GULP1: variants seen among roughly 807,000 people sequenced by gnomAD.
The protein encoded by GULP1 is GULP PTB domain containing engulfment adaptor 1, also known as PTB domain-containing engulfment adapter protein 1.
A neutral mutation model predicts 40.9 loss-of-function variants in GULP1; 19 were observed. The ratio of observed to expected loss-of-function variants is 0.46; its 90% CI spans 0.32 to 0.68. The LOEUF (loss-of-function observed/expected upper bound fraction) is 0.68, where lower values mean the gene tolerates loss of function less well. GULP1 is among the 30% of genes least tolerant of loss of function. The pLI, the probability that GULP1 is intolerant of heterozygous loss-of-function variation, is 0.03. For synonymous variants in GULP1, 119 were observed against 117.6 expected, an observed-to-expected ratio of 1.01 and a Z score of -0.08; for missense variants, 312 against 362.2, an observed-to-expected ratio of 0.86 and a Z score of 1.12.
At chr2:188,343,734 A>G (rs2043262467) in intron 1 of GULP1, among the ~76,000 whole-genome samples, 1 of 152,174 alleles carries the variant, frequency 6.6e-6, no homozygotes, top group East Asian at 1.9e-4. Context: ...GAACTTAGGG[A>G]CACCTATACT....
intron 2 of GULP1, among the ~76,000 whole-genome samples, chr2:188,471,066 T>C (rs937361983): frequency 6.6e-6 from 1 of 152,160 alleles, no homozygotes; most frequent in African/African-American, 2.4e-5. Context: ...AAAATTGTTA[T>C]ATCCTCTTGC....
chr2:188,356,267 G>A (rs10195059), intron 1 of GULP1, among the ~76,000 whole-genome samples: 19,261 of 152,032 alleles, frequency 0.13, 1,343 homozygotes, highest in Middle Eastern at 0.17. Flanking sequence ...TGCTGATAAC[G>A]TATTCTTATA....
At chr2:188,442,856 A>T (rs941829441) in intron 2 of GULP1, among the ~76,000 whole-genome samples, 2 of 152,182 alleles carry the variant, frequency 1.3e-5, no homozygotes, top group Non-Finnish European at 1.5e-5. Flanking sequence ...AAAAGATCAG[A>T]TTCTGTCCCT....
chr2:188,511,051 C>T (rs1288790514), intron 4 of GULP1, among the ~76,000 whole-genome samples: 1 of 152,082 alleles, frequency 6.6e-6, no homozygotes. Flanking sequence ...TGTATTTTCT[C>T]ATTTAATTCT....
chr2:188,528,537 T>A (rs2153232933), intron 5 of GULP1, among the ~76,000 whole-genome samples: 1 of 152,286 alleles, frequency 6.6e-6, no homozygotes, highest in Non-Finnish European at 1.5e-5. Context: ...ATACTCACTA[T>A]ATTTGTAGTT....
At chr2:188,370,001 C>T (rs2047392347) in intron 1 of GULP1, among the ~76,000 whole-genome samples, 1 of 152,066 alleles carries the variant, frequency 6.6e-6, no homozygotes, top group East Asian at 1.9e-4. Flanking sequence ...TGCCAACACA[C>T]CTGGTTAATT....
At chr2:188,548,887 G>A (rs997457809) in intron 7 of GULP1, among the ~76,000 whole-genome samples, 1 of 150,642 alleles carries the variant, frequency 6.6e-6, no homozygotes, top group African/African-American at 2.4e-5. Flanking sequence ...CAGTGCTGGT[G>A]CAATTGGACT....
At chr2:188,567,964 A>G (rs1458829611) in intron 7 of GULP1, among the ~76,000 whole-genome samples, 1 of 152,144 alleles carries the variant, frequency 6.6e-6, no homozygotes, top group Non-Finnish European at 1.5e-5. Flanking sequence ...ATACATTGGT[A>G]TCTGTCATTT....
chr2:188,510,760 G>A (rs906699190), intron 4 of GULP1, among the ~76,000 whole-genome samples: 1 of 151,216 alleles, frequency 6.6e-6, no homozygotes, highest in South Asian at 2.1e-4. Flanking sequence ...TTAAATTACA[G>A]TGGGAGTTCA....
chr2:188,346,585 T>C (rs1004471377), intron 1 of GULP1, among the ~76,000 whole-genome samples: 2 of 151,512 alleles, frequency 1.3e-5, no homozygotes, highest in African/African-American at 2.4e-5. Context: ...CTCCGCCTCC[T>C]GGGTTCACGC....
chr2:188,489,570 A>T (rs140582365), intron 4 of GULP1, among the ~76,000 whole-genome samples: 1 of 152,010 alleles, frequency 6.6e-6, no homozygotes, highest in Non-Finnish European at 1.5e-5. Flanking sequence ...AAATTAAAGA[A>T]TGAGCATATA....
At chr2:188,325,685 G>T (rs745688994) in intron 1 of GULP1, among the ~76,000 whole-genome samples, 1 of 152,064 alleles carries the variant, frequency 6.6e-6, no homozygotes, top group Non-Finnish European at 1.5e-5. Context: ...TCCCTTTGAG[G>T]TAGTTTGACT....
rs1252317108 is a variant in GULP1, at chr2:188,378,588, CG to C, written c.-171-5174del. On this transcript the variant is annotated intron_variant, in intron 1 of 11. Coordinates refer to ENST00000409830, the MANE Select transcript of GULP1 (RefSeq NM_016315.4). ...GTGAGGACTTTAGGCTGTTTAAACTCGTGGCAGAAATTGAAGTGGAGCCTGC... is the reference window on the plus strand; with the variant it reads ...GTGAGGACTTTAGGCTGTTTAAACTCTGGCAGAAATTGAAGTGGAGCCTGC... Among the ~76,000 whole-genome samples the C allele has an allele frequency of 2.0e-5, 3 of 152,082 alleles. No individual in the cohort carries two copies. The South Asian group carries it at 6.2e-4, about 31-fold the overall frequency.
chr2:188,443,505 C>T (rs1359301993), intron 2 of GULP1, among the ~76,000 whole-genome samples: 2 of 152,066 alleles, frequency 1.3e-5, no homozygotes, highest in South Asian at 2.1e-4. Context: ...TAATGATTGA[C>T]CCTCGAGCCT....
chr2:188,477,846 G>A, intron 3 of GULP1, 116 bp downstream of exon 3: 5 of 732,466 alleles, frequency 6.8e-6, no homozygotes, highest in Non-Finnish European at 1.1e-5. Flanking sequence ...CAGAAATGAA[G>A]TTAGATTAGA....
chr2:188,499,464 A>T (rs924845722), intron 4 of GULP1, among the ~76,000 whole-genome samples: 2 of 151,584 alleles, frequency 1.3e-5, no homozygotes, highest in Non-Finnish European at 3.0e-5. Context: ...GAAATTACAT[A>T]TGTCATTTAG....
At chr2:188,415,949 GCTC>G (rs1321239542) in intron 2 of GULP1, among the ~76,000 whole-genome samples, 6 of 152,090 alleles carry the variant, frequency 3.9e-5, no homozygotes, top group Admixed American at 2.6e-4. Context: ...GATTGACAAA[GCTC>G]CTTTCTGCAA....
intron 9 of GULP1, 24 bp from the exon 10 acceptor site, chr2:188,584,241 C>T: frequency 6.5e-7 from 1 of 1,537,340 alleles, no homozygotes; most frequent in Non-Finnish European, 9.0e-7. Context: ...AAATATTACC[C>T]TAATTCATTT....
chr2:188,529,063 A>C, intron 5 of GULP1, 34 bp from the exon 6 acceptor site: 1 of 893,402 alleles, frequency 1.1e-6, no homozygotes, highest in East Asian at 2.5e-5. Context: ...ATAGAAATAG[A>C]AGTGTAGCTT....
Sources: gnomAD v4.1 joint callset for allele counts (sites outside exome capture counted in the v4.1 genomes callset) on GRCh38, gnomAD v4.1.1 for gene constraint, MANE v1.5 for transcripts, NCBI Gene and HGNC (gene_info 2026-07-23, HGNC 2026-07-21) for gene names.